CADM2: variants seen among roughly 807,000 people sequenced by gnomAD.
CADM2 encodes cell adhesion molecule 2.
A neutral mutation model predicts 49.8 loss-of-function variants in CADM2; 12 were observed. The observed-to-expected ratio is 0.24, with a 90% CI of 0.15 to 0.39. The LOEUF (loss-of-function observed/expected upper bound fraction) is 0.39, where lower values mean the gene tolerates loss of function less well. Among genes scored for constraint, CADM2 ranks in the 10% least tolerant of loss-of-function variants. CADM2 has a pLI of 1.00. For missense variants in CADM2, 378 were observed against 492.3 expected (o/e 0.77, Z 2.20); for synonymous variants, 214 against 175.4 (o/e 1.22, Z -1.74).
intron 1 of CADM2, among the ~76,000 whole-genome samples, chr3:85,597,208 G>T (rs1326297793): frequency 7.0e-6 from 1 of 143,458 alleles, no homozygotes; most frequent in Admixed American, 7.1e-5. Flanking sequence ...TTAAAAAAAT[G>T]CTGTATACAA....
At chr3:85,197,451 G>A (rs2041371434) in intron 1 of CADM2, among the ~76,000 whole-genome samples, 1 of 151,950 alleles carries the variant, frequency 6.6e-6, no homozygotes, top group Non-Finnish European at 1.5e-5. Flanking sequence ...ATAAGAGTAA[G>A]CAAGAGAAAT....
chr3:85,120,679 G>T (rs1018964631), intron 1 of CADM2, among the ~76,000 whole-genome samples: 4 of 152,084 alleles, frequency 2.6e-5, no homozygotes, highest in Non-Finnish European at 4.4e-5. Context: ...GCCTCCTGGG[G>T]GGTAGGGGGC....
At chr3:85,498,723 T>C (rs961390040) in intron 1 of CADM2, among the ~76,000 whole-genome samples, 16 of 152,182 alleles carry the variant, frequency 1.1e-4, no homozygotes, top group African/African-American at 3.6e-4. Flanking sequence ...AGCTTATGTA[T>C]TGATAAGCTG....
At chr3:85,494,039 G>T (rs1361859526) in intron 1 of CADM2, among the ~76,000 whole-genome samples, 1 of 152,028 alleles carries the variant, frequency 6.6e-6, no homozygotes, top group East Asian at 1.9e-4. Flanking sequence ...TGGGATTTTT[G>T]GAGTCCCAAT....
chr3:85,291,382 G>A lies in CADM2; in HGVS notation c.61+331714G>A, dbSNP rs2043792057. Among the ~76,000 whole-genome samples the A allele has an allele frequency of 5.3e-5, 8 of 151,292 alleles. No homozygotes were observed. In the South Asian group the frequency reaches 1.7e-3, roughly 31 times the overall value. On this transcript the variant is annotated intron_variant, in intron 1 of 9. Coordinates refer to ENST00000383699, the MANE Select transcript of CADM2 (RefSeq NM_001167675.2). ...ACACTCTGCAGGATATTATCCATGA[G>A]AACTTCCCCAATCTAGAAAGGCAGG...
At chr3:85,776,482 T>C (rs1434002660) in intron 2 of CADM2, among the ~76,000 whole-genome samples, 1 of 152,024 alleles carries the variant, frequency 6.6e-6, no homozygotes, top group African/African-American at 2.4e-5. Flanking sequence ...CTGTCATGTC[T>C]GGCATAGGAA....
At chr3:85,819,082 A>G (rs1201969867) in intron 3 of CADM2, among the ~76,000 whole-genome samples, 2 of 151,998 alleles carry the variant, frequency 1.3e-5, no homozygotes, top group East Asian at 3.9e-4. Context: ...AGGCCCCAGA[A>G]CCCCTGGCAA....
chr3:85,568,396 CCTCTTTCTTT>C (rs1393418468), intron 1 of CADM2, among the ~76,000 whole-genome samples: 1 of 102,564 alleles, frequency 9.8e-6, no homozygotes, highest in African/African-American at 3.0e-5. Flanking sequence ...TTCCTTCCTC[CCTCTTTCTTT>C]CTTTCTTTCT....
chr3:85,808,446 A>G (rs1384537951), intron 3 of CADM2, among the ~76,000 whole-genome samples: 4 of 151,552 alleles, frequency 2.6e-5, no homozygotes, highest in African/African-American at 7.3e-5. Flanking sequence ...TTGGCAATGG[A>G]AAAAAAAATC....
chr3:85,836,718 C>T (rs189411975), intron 3 of CADM2, among the ~76,000 whole-genome samples: 306 of 151,572 alleles, frequency 2.0e-3, no homozygotes, highest in African/African-American at 7.0e-3. Context: ...AAAGACAATC[C>T]CTCCTGCATG....
chr3:85,282,923 G>A (rs1443816602), intron 1 of CADM2, among the ~76,000 whole-genome samples: 2 of 152,062 alleles, frequency 1.3e-5, no homozygotes, highest in Non-Finnish European at 2.9e-5. Context: ...ACAGAGAAAT[G>A]ATAAATGCTT....
At chr3:85,922,774 T>C (rs1483684137) in intron 6 of CADM2, among the ~76,000 whole-genome samples, 4 of 152,082 alleles carry the variant, frequency 2.6e-5, no homozygotes, top group African/African-American at 9.7e-5. Flanking sequence ...AACATTTTCA[T>C]TTTTAGATTT....
At chr3:85,857,229 GA>G (rs1342213742) in intron 3 of CADM2, among the ~76,000 whole-genome samples, 1 of 152,088 alleles carries the variant, frequency 6.6e-6, no homozygotes, top group Non-Finnish European at 1.5e-5. Context: ...ATCACATTAG[GA>G]GGCTGGGATT....
At chr3:86,044,674 C>T (rs1440737390) in intron 8 of CADM2, among the ~76,000 whole-genome samples, 1 of 152,088 alleles carries the variant, frequency 6.6e-6, no homozygotes, top group Non-Finnish European at 1.5e-5. Context: ...GTATCTAGAA[C>T]TAGAAATACC....
chr3:85,944,669 A>G (rs1722409814), intron 7 of CADM2, among the ~76,000 whole-genome samples: 1 of 152,140 alleles, frequency 6.6e-6, no homozygotes, highest in South Asian at 2.1e-4. Flanking sequence ...CCTGCTCCTG[A>G]ATGACTACTG....
chr3:85,566,612 G>C (rs555084368), intron 1 of CADM2, among the ~76,000 whole-genome samples: 4 of 151,958 alleles, frequency 2.6e-5, no homozygotes, highest in Admixed American at 1.3e-4. Context: ...CAAATAACTG[G>C]GAGAATCTAG....
At chr3:85,282,061 G>A (rs2043512997) in intron 1 of CADM2, among the ~76,000 whole-genome samples, 1 of 151,864 alleles carries the variant, frequency 6.6e-6, no homozygotes, top group Admixed American at 6.6e-5. Flanking sequence ...TCAAACCTAT[G>A]CTTGAAATAT....
At chr3:85,599,139 AC>A (rs531537684) in intron 1 of CADM2, among the ~76,000 whole-genome samples, 94 of 152,122 alleles carry the variant, frequency 6.2e-4, no homozygotes, top group Non-Finnish European at 2.1e-4. Context: ...TAAGGAAGAT[AC>A]CTGGTTTCTT....
intron 3 of CADM2, among the ~76,000 whole-genome samples, chr3:85,814,293 T>C (rs2073070626): frequency 6.6e-6 from 1 of 152,174 alleles, no homozygotes; most frequent in Non-Finnish European, 1.5e-5. Context: ...TATTTTATTT[T>C]CTTAGTAGCA....
Sources: gnomAD v4.1 joint callset for allele counts (sites outside exome capture counted in the v4.1 genomes callset) on GRCh38, gnomAD v4.1.1 for gene constraint, MANE v1.5 for transcripts, NCBI Gene and HGNC (gene_info 2026-07-23, HGNC 2026-07-21) for gene names.